STARD9: variants seen among roughly 807,000 people sequenced by gnomAD.
STARD9 encodes StAR related lipid transfer domain containing 9, also known as stAR-related lipid transfer protein 9.
Under a neutral mutation model 399.8 loss-of-function variants are expected in STARD9, and 346 were observed. That is an observed-to-expected ratio of 0.87 (90% CI 0.79 to 0.95). The LOEUF (loss-of-function observed/expected upper bound fraction) is 0.95, where lower values mean the gene tolerates loss of function less well. Ranked by LOEUF, STARD9 falls within the 40% of genes least tolerant of loss-of-function variation. The pLI is 0.00. For synonymous variants in STARD9, 2,203 were observed against 2,143.5 expected, an observed-to-expected ratio of 1.03 and a Z score of -0.77; for missense variants, 5,832 against 5,667.5, an observed-to-expected ratio of 1.03 and a Z score of -0.93.
At chr15:42,655,759 C>G (rs1464401994) in intron 9 of STARD9, among the ~76,000 whole-genome samples, 1 of 152,144 alleles carries the variant, frequency 6.6e-6, no homozygotes, top group South Asian at 2.1e-4. Flanking sequence ...AAACAAAAAT[C>G]TTCTGCACAG....
chr15:42,655,284 AAAC>A (rs1386318401), intron 9 of STARD9, among the ~76,000 whole-genome samples: 2 of 152,360 alleles, frequency 1.3e-5, no homozygotes, highest in South Asian at 2.1e-4. Context: ...TTCGTCTCAA[AAAC>A]AACAACAAAA....
At chr15:42,711,966 G>C (rs2061232193) in intron 26 of STARD9, among the ~76,000 whole-genome samples, 1 of 141,578 alleles carries the variant, frequency 7.1e-6, no homozygotes. Context: ...CAGTTGCTAT[G>C]ACCTACTTTT....
At position 42,580,520 on chromosome 15, in the gene STARD9, T is replaced by TA. The variant is rs200346352; in HGVS notation, c.48-2817dup. On this transcript the variant is annotated intron_variant, in intron 1 of 32. Coordinates refer to ENST00000290607, the MANE Select transcript of STARD9 (RefSeq NM_020759.3). ...TGAGGGGTATGAGGGTGGCTCTCAA[T>TA]AAAAAAAAACAACTAGAAGGCGTGG... Among the ~76,000 whole-genome samples, 68 of 150,014 alleles carry TA rather than the reference T, an allele frequency of 4.5e-4. No individual in the cohort carries two copies. In the East Asian group the frequency reaches 5.3e-3, roughly 12 times the overall value.
chr15:42,623,252 C>G (rs1595657607), intron 3 of STARD9, among the ~76,000 whole-genome samples: 1 of 144,084 alleles, frequency 6.9e-6, no homozygotes. Context: ...AACTCTGTCT[C>G]AAAAAAAAAA....
intron 3 of STARD9, among the ~76,000 whole-genome samples, chr15:42,621,506 T>C (rs2059093337): frequency 6.6e-6 from 1 of 152,228 alleles, no homozygotes; most frequent in Admixed American, 6.5e-5. Context: ...AGCCTGAGGC[T>C]GCCACATGGT....
In STARD9 at chr15:42,631,247, A is replaced by G. The variant is rs149025447; in HGVS notation, c.235-3609A>G. Among the ~76,000 whole-genome samples the G allele has an allele frequency of 8.7e-4, 132 of 152,234 alleles. 2 individuals carry two copies. The East Asian group carries it at 0.023, about 27-fold the overall frequency. On this transcript the variant is annotated intron_variant, in intron 3 of 32. Coordinates refer to ENST00000290607, the MANE Select transcript of STARD9 (RefSeq NM_020759.3). ...AAACTTTTCTCTTAGTAGTACTTACACTGTATCCCATTTGTTTCTTCTGTT... is the reference window on the plus strand; with the variant it reads ...AAACTTTTCTCTTAGTAGTACTTACGCTGTATCCCATTTGTTTCTTCTGTT...
At chr15:42,591,201 G>T (rs927613504) in intron 3 of STARD9, among the ~76,000 whole-genome samples, 4 of 152,090 alleles carry the variant, frequency 2.6e-5, no homozygotes, top group Non-Finnish European at 4.4e-5. Context: ...TAAAAAACAT[G>T]TCCAGGCTGA....
Position 42,692,981 on chromosome 15 carries a change from G to T in STARD9, c.11403G>T (p.Gln3801His), listed in dbSNP as rs1373752686. ...AQKMAQLLYL[Q>H]EESTPYKPQS... The stretch of plus-strand genomic sequence containing the variant: ...AAATGGCTCAGCTCCTCTATCTTCA[G>T]GAAGAAAGCACTCCCTACAAGCCCC... Residue 3801 changes from glutamine to histidine, a missense_variant, in exon 23 of 33, where the codon CAG (glutamine) becomes CAT (histidine). Gln to His is a conservative substitution (Grantham distance 24). Transcript: ENST00000290607. 6 of 1,537,198 alleles carry T rather than the reference G, an allele frequency of 3.9e-6. No individual in the cohort carries two copies. The South Asian group carries it at 7.1e-5, about 18-fold the overall frequency.
intron 26 of STARD9, among the ~76,000 whole-genome samples, chr15:42,706,520 G>A (rs1357174679): frequency 4.0e-5 from 6 of 150,710 alleles, no homozygotes; most frequent in Admixed American, 2.6e-4. Flanking sequence ...GCATGATCTC[G>A]GCTCACTGCA....
Position 42,691,847 on chromosome 15 carries a change from C to G in STARD9, c.10269C>G (p.Thr3423=). Residue 3423 remains threonine, a synonymous_variant, in exon 23 of 33, where the codon ACC becomes ACG. Transcript: ENST00000290607. ...ACATGCCAACCCCTGATTTCACGACCAGCTGGATGTCTGGTACTTTGGAAC... is the reference window on the plus strand; with the variant it reads ...ACATGCCAACCCCTGATTTCACGACGAGCTGGATGTCTGGTACTTTGGAAC... ...LSHMPTPDFT[T]SWMSGTLEQA... The G allele has an allele frequency of 2.0e-6, 3 of 1,537,288 alleles. No individual in the cohort carries two copies. Among genetic ancestry groups the G allele is most frequent in the Non-Finnish European group, 2.6e-6 (3 of 1,146,916 alleles).
At chr15:42,598,428 T>C (rs956654577) in intron 3 of STARD9, among the ~76,000 whole-genome samples, 5 of 151,992 alleles carry the variant, frequency 3.3e-5, no homozygotes, top group Non-Finnish European at 1.5e-5. Context: ...AGATTATAAA[T>C]GTATTCATCA....
chr15:42,599,034 C>T (rs2058571840), intron 3 of STARD9, among the ~76,000 whole-genome samples: 1 of 152,176 alleles, frequency 6.6e-6, no homozygotes, highest in Non-Finnish European at 1.5e-5. Context: ...AATGATTCTC[C>T]TGCCTCAGCC....
At chr15:42,640,887 A>G (rs1041904429) in intron 7 of STARD9, among the ~76,000 whole-genome samples, 4 of 152,016 alleles carry the variant, frequency 2.6e-5, no homozygotes, top group Non-Finnish European at 5.9e-5. Context: ...GACCTCAGAC[A>G]TAGTTCAGAT....
intron 8 of STARD9, among the ~76,000 whole-genome samples, chr15:42,651,380 A>G (rs1013249472): frequency 2.0e-5 from 3 of 152,222 alleles, no homozygotes; most frequent in African/African-American, 7.2e-5. Context: ...TTTGGAAGAA[A>G]GGGTTCTTAC....
intron 16 of STARD9, among the ~76,000 whole-genome samples, chr15:42,673,752 A>G (rs1017895660): frequency 1.3e-5 from 2 of 152,178 alleles, no homozygotes; most frequent in African/African-American, 4.8e-5. Flanking sequence ...TAACATAGCT[A>G]TGTGGGTCTT....
intron 1 of STARD9, chr15:42,581,324 A>G (rs2058164175): frequency 3.9e-6 from 5 of 1,293,976 alleles, no homozygotes; most frequent in South Asian, 2.4e-5. Context: ...GAAACTTTCT[A>G]TCATAAATGA....
Position 42,674,484 on chromosome 15 carries a change from G to A in STARD9, c.1542G>A (p.Gln514=). The A allele has an allele frequency of 6.5e-7, 1 of 1,537,166 alleles. No homozygotes were observed. Among genetic ancestry groups the A allele is most frequent in the Non-Finnish European group, 8.7e-7 (1 of 1,146,806 alleles). Residue 514 remains glutamine, a synonymous_variant, in exon 17 of 33, where the codon CAG becomes CAA. Transcript: ENST00000290607. ...GAAGGATTGACTCAGACCAGGAACA[G>A]GACATTGGTAAGTGGCAGAGTATAT... is the stretch of plus-strand genomic sequence containing the variant. ...KIGRIDSDQE[Q]DIVLQGQWIE...
chr15:42,623,087 A>C (rs924982985), intron 3 of STARD9, among the ~76,000 whole-genome samples: 1 of 152,218 alleles, frequency 6.6e-6, no homozygotes, highest in Non-Finnish European at 1.5e-5. Context: ...CCCCACCTCT[A>C]CTAAAAATAC....
chr15:42,703,430 C>T (rs2061009220), intron 26 of STARD9, among the ~76,000 whole-genome samples: 1 of 151,286 alleles, frequency 6.6e-6, no homozygotes. Flanking sequence ...GTGGCACAAT[C>T]CCTGCCCACT....
Sources: allele counts gnomAD v4.1 joint callset (sites outside exome capture counted in the v4.1 genomes callset), GRCh38; gene constraint gnomAD v4.1.1; transcripts MANE v1.5; gene names NCBI Gene and HGNC (gene_info 2026-07-23, HGNC 2026-07-21).